The following RAPGEF1 variants were observed in gnomAD, a reference collection of about 807,000 sequenced individuals.
The protein encoded by RAPGEF1 is CRK SH3-binding GNRP.
RAPGEF1 carries 33 observed loss-of-function variants against 143.3 expected under a neutral mutation model. The ratio of observed to expected loss-of-function variants is 0.23; its 90% confidence interval spans 0.17 to 0.31. The LOEUF is 0.31. Among genes scored for constraint, RAPGEF1 ranks in the 10% least tolerant of loss-of-function variants. The pLI is 1.00. For missense variants in RAPGEF1, 1,199 were observed against 1,645.4 expected (o/e 0.73, Z 4.69); for synonymous variants, 629 against 676.5 (o/e 0.93, Z 1.09).
chr9:131,680,520 A>T (rs1224867161), intron 1 of RAPGEF1, among the ~76,000 whole-genome samples: 1 of 152,222 alleles, frequency 6.6e-6, no homozygotes, highest in Non-Finnish European at 1.5e-5. Flanking sequence ...GGCAAGGAAC[A>T]CCTGGCCCAC....
At chr9:131,713,763 T>G (rs760143924) in intron 1 of RAPGEF1, among the ~76,000 whole-genome samples, 1 of 152,140 alleles carries the variant, frequency 6.6e-6, no homozygotes, top group Non-Finnish European at 1.5e-5. Context: ...CACTCCAGTC[T>G]GGGCCACAGA....
At chr9:131,643,093 G>T in intron 4 of RAPGEF1, 146 bp downstream of exon 4, 4 of 866,612 alleles carry the variant, frequency 4.6e-6, no homozygotes, top group Middle Eastern at 3.6e-4. Context: ...GATAGTTGTG[G>T]GGGGAGTGGT....
intron 1 of RAPGEF1, among the ~76,000 whole-genome samples, chr9:131,739,445 G>C (rs1170566034): frequency 2.6e-5 from 4 of 152,138 alleles, no homozygotes; most frequent in African/African-American, 9.6e-5. Flanking sequence ...CACGCGGCCC[G>C]GGCTGTTCTT....
intron 1 of RAPGEF1, among the ~76,000 whole-genome samples, chr9:131,701,741 T>G (rs992263884): frequency 6.6e-6 from 1 of 152,224 alleles, no homozygotes; most frequent in African/African-American, 2.4e-5. Flanking sequence ...ATTGCTATCC[T>G]AACTTAGGAG....
intron 1 of RAPGEF1, among the ~76,000 whole-genome samples, chr9:131,727,709 G>A (rs1314768618): frequency 6.6e-6 from 1 of 152,190 alleles, no homozygotes; most frequent in African/African-American, 2.4e-5. Context: ...CCGAGTCCCT[G>A]TAATCCAGGT....
At chr9:131,602,008 T>C (rs949279279) in intron 15 of RAPGEF1, 53 bp downstream of exon 15, 31 of 1,397,188 alleles carry the variant, frequency 2.2e-5, no homozygotes, top group Non-Finnish European at 2.9e-5. Context: ...GCAGGCCTCA[T>C]GAGTGGGCGC....
At chr9:131,588,083 C>A in intron 20 of RAPGEF1, 57 bp from the exon 21 acceptor site, 1 of 1,432,532 alleles carries the variant, frequency 7.0e-7, no homozygotes, top group Non-Finnish European at 9.7e-7. Context: ...GTGGGGAGGG[C>A]TGAGCAGGCC....
At chr9:131,704,288 A>G (rs1409507531) in intron 1 of RAPGEF1, among the ~76,000 whole-genome samples, 2 of 150,028 alleles carry the variant, frequency 1.3e-5, no homozygotes, top group Non-Finnish European at 3.0e-5. Context: ...TAGTGTGCAG[A>G]GGCAAGTCTA....
Position 131,587,762 on chromosome 9 carries a change from C to T in RAPGEF1, c.3207G>A (p.Thr1069=), listed in dbSNP as rs368168034. 23 of 1,613,576 alleles carry T rather than the reference C, an allele frequency of 1.4e-5. No homozygotes were observed. The South Asian group carries it at 1.6e-4, about 12-fold the overall frequency. The change falls in exon 22 of 27, where the codon ACG becomes ACA. Residue 1069 remains threonine, a synonymous_variant. Coordinates refer to ENST00000683357, the MANE Select transcript of RAPGEF1 (RefSeq NM_001377935.1). ...EEKSPNLTQF[T]EHFNNMSYWV... ...AGTAGGACATGTTGTTGAAGTGCTC[C>T]GTGAACTGGGTCAAGTTGGGGCTCT...
intron 11 of RAPGEF1, among the ~76,000 whole-genome samples, chr9:131,619,418 C>T (rs1429037773): frequency 6.6e-6 from 1 of 152,210 alleles, no homozygotes; most frequent in Non-Finnish European, 1.5e-5. Flanking sequence ...TTTCCTTACA[C>T]TAGATCCTAA....
chr9:131,652,833 CAT>C (rs775832747), intron 1 of RAPGEF1, among the ~76,000 whole-genome samples: 1 of 152,138 alleles, frequency 6.6e-6, no homozygotes, highest in Non-Finnish European at 1.5e-5. Flanking sequence ...AAACCAGTAA[CAT>C]AGTCATTTAT....
In RAPGEF1 at chr9:131,637,186, C is replaced by T. The variant is rs543726147; in HGVS notation, c.651+1449G>A. 2.8e-4 allele frequency among the ~76,000 whole-genome samples: 43 copies of T among 151,532 alleles called. No individual in the cohort carries two copies. In the South Asian group the frequency reaches 2.9e-3, roughly 10 times the overall value. On this transcript the variant is annotated intron_variant, in intron 5 of 26. Coordinates refer to ENST00000683357, the MANE Select transcript of RAPGEF1 (RefSeq NM_001377935.1). ...GTTGCAGTGAGCCGAGATCGCACCA[C>T]TGCACTCCAGCCTGGGTGACAGAGT...
At chr9:131,661,448 G>A (rs1187355756) in intron 1 of RAPGEF1, among the ~76,000 whole-genome samples, 2 of 152,198 alleles carry the variant, frequency 1.3e-5, no homozygotes, top group Admixed American at 1.3e-4. Flanking sequence ...TAACTGGCAG[G>A]TGACATGAAG....
At chr9:131,669,392 T>C (rs6597518) in intron 1 of RAPGEF1, among the ~76,000 whole-genome samples, 131,611 of 152,200 alleles carry the variant, frequency 0.86, 57,111 homozygotes, top group African/African-American at 0.93. Flanking sequence ...TCAAAAGTCC[T>C]TCCCTGTCAC....
At position 131,655,099 on chromosome 9, in the gene RAPGEF1, G is replaced by A. The variant is rs573895608; in HGVS notation, c.62-4150C>T. ...CTCACTCTGTCTACTATTGCTGCAC[G>A]TGACTTAACAAGGCCAAAGTTCAGT... On this transcript the variant is annotated intron_variant, in intron 1 of 26. Transcript: ENST00000683357. This position sits in a 1 kb window ranked among gnomAD's most constrained non-coding sequence, Gnocchi z 4.1. Among the ~76,000 whole-genome samples the A allele has an allele frequency of 7.4e-4, 113 of 152,270 alleles. No individual in the cohort carries two copies. The highest frequency in any genetic ancestry group is 2.6e-3 in the African/African-American group (106 of 41,554).
chr9:131,687,438 G>A (rs1200696948), intron 1 of RAPGEF1, among the ~76,000 whole-genome samples: 3 of 151,832 alleles, frequency 2.0e-5, no homozygotes, highest in African/African-American at 4.8e-5. Context: ...CAAGTGATCC[G>A]CCTGCCTCAG....
chr9:131,597,735 T>C (rs1037097746), intron 16 of RAPGEF1, among the ~76,000 whole-genome samples: 2 of 152,144 alleles, frequency 1.3e-5, no homozygotes, highest in Non-Finnish European at 2.9e-5. Context: ...TCTTTTTTTT[T>C]AGAGATGGGT....
intron 1 of RAPGEF1, among the ~76,000 whole-genome samples, chr9:131,657,975 T>A (rs1972972417): frequency 1.3e-5 from 2 of 152,206 alleles, no homozygotes; most frequent in South Asian, 4.1e-4. Flanking sequence ...CTGGGGTGTA[T>A]CAGTGATTTC....
chr9:131,724,377 C>T (rs1836492139), intron 1 of RAPGEF1, among the ~76,000 whole-genome samples: 1 of 152,150 alleles, frequency 6.6e-6, no homozygotes, highest in African/African-American at 2.4e-5. Flanking sequence ...AGGTGGATCA[C>T]GAGGCCAGGA....
Sources: gnomAD v4.1 joint callset for allele counts (sites outside exome capture counted in the v4.1 genomes callset) on GRCh38, gnomAD v4.1.1 for gene constraint, Gnocchi (gnomAD v3.1) non-coding constraint, MANE v1.5 for transcripts, NCBI Gene and HGNC (gene_info 2026-07-23, HGNC 2026-07-21) for gene names.